Variants in MAGI2 observed in about 807,000 individuals in gnomAD.
MAGI2 encodes membrane associated guanylate kinase, WW and PDZ domain containing 2.
A neutral mutation model predicts 133.3 loss-of-function variants in MAGI2; 35 were observed. The ratio of observed to expected loss-of-function variants is 0.26; its 90% CI spans 0.20 to 0.35. The LOEUF is 0.35. Ranked by LOEUF, MAGI2 falls within the 10% of genes least tolerant of loss-of-function variation. The pLI, the probability that MAGI2 is intolerant of heterozygous loss-of-function variation, is 1.00. For missense variants in MAGI2, 1,636 were observed against 1,863.4 expected (o/e 0.88, Z 2.25); for synonymous variants, 729 against 710.6 (o/e 1.03, Z -0.41).
rs546346565 is a variant in MAGI2 at position 78,410,077 on chromosome 7, G to A, written c.1046-40864C>T. Among the ~76,000 whole-genome samples the A allele has an allele frequency of 4.0e-3, 607 of 151,944 alleles. 5 individuals carry two copies. The highest frequency in any genetic ancestry group is 0.013 in the African/African-American group (536 of 41,472). The stretch of plus-strand genomic sequence containing the variant: ...CTGATGGTCTCAGTCCACGACCCCC[G>A]GGAAAGCTAAAAGAATAGTAAGGGG... On this transcript the variant is annotated intron_variant, in intron 6 of 21. Coordinates refer to ENST00000354212, the MANE Select transcript of MAGI2 (RefSeq NM_012301.4).
At chr7:78,094,760 T>C (rs1817550311) in intron 20 of MAGI2, among the ~76,000 whole-genome samples, 1 of 152,230 alleles carries the variant, frequency 6.6e-6, no homozygotes, top group Admixed American at 6.5e-5. Flanking sequence ...TCCTGCCCTT[T>C]TCCCACTGGG....
chr7:79,249,590 T>C (rs180865481), intron 1 of MAGI2, among the ~76,000 whole-genome samples: 2 of 152,162 alleles, frequency 1.3e-5, no homozygotes, highest in Admixed American at 6.5e-5. Context: ...ATACCAATAT[T>C]GAACAATGAA....
At position 79,171,769 on chromosome 7, in the gene MAGI2, TA is replaced by T. The variant is rs1307816089; in HGVS notation, c.302-164564del. ...ATATATATATATATATATATATATA[TA>T]TTTTTTTTTTTTTTTTCTTTTAAAG... is the stretch of plus-strand genomic sequence containing the variant. On this transcript the variant is annotated intron_variant, in intron 1 of 21. Transcript: ENST00000354212. Among the ~76,000 whole-genome samples, 148 of 49,162 alleles carry T rather than the reference TA, an allele frequency of 3.0e-3. 1 individual carries two copies. Among genetic ancestry groups the T allele is most frequent in the African/African-American group, 0.014 (141 of 10,226 alleles). 32.3% of individuals were successfully genotyped at this position (49,162 alleles called of 152,430 possible). A position where few individuals can be genotyped will look rare whatever the true frequency, so the allele number is the denominator to read the frequency against.
intron 9 of MAGI2, among the ~76,000 whole-genome samples, chr7:78,322,741 C>A (rs148400221): frequency 1.3e-5 from 2 of 151,664 alleles, no homozygotes; most frequent in South Asian, 2.1e-4. Flanking sequence ...CACATGTACC[C>A]CGGAATTTAA....
intron 9 of MAGI2, among the ~76,000 whole-genome samples, chr7:78,256,894 C>T (rs1584592325): frequency 1.3e-5 from 2 of 152,280 alleles, no homozygotes; most frequent in South Asian, 2.1e-4. Flanking sequence ...ATTCTCTATG[C>T]TTCTTTTTCA....
intron 10 of MAGI2, among the ~76,000 whole-genome samples, chr7:78,233,409 CAGAG>C (rs910462381): frequency 3.3e-5 from 5 of 152,076 alleles, no homozygotes; most frequent in African/African-American, 1.2e-4. Context: ...AGAAAGTCAA[CAGAG>C]AGAGCATTTT....
chr7:79,273,608 CT>C (rs944528102), intron 1 of MAGI2, among the ~76,000 whole-genome samples: 2 of 148,004 alleles, frequency 1.4e-5, no homozygotes, highest in Admixed American at 1.4e-4. Context: ...AATTTTGTTT[CT>C]TTTTTTTTTC....
intron 2 of MAGI2, among the ~76,000 whole-genome samples, chr7:78,910,260 A>G (rs1487316014): frequency 9.8e-6 from 1 of 102,354 alleles, no homozygotes; most frequent in Non-Finnish European, 2.0e-5. Context: ...ACTTAAAGTA[A>G]TTCTTTTTTT....
At chr7:78,790,971 A>AGTCAACATTTGACTGTTTT (rs1827198768) in intron 2 of MAGI2, among the ~76,000 whole-genome samples, 1 of 152,234 alleles carries the variant, frequency 6.6e-6, no homozygotes, top group African/African-American at 2.4e-5. Context: ...TCTGACTCCA[A>AGTCAACATTTGACTGTTTT]ATAATACAGT....
rs73704823 is a variant in MAGI2 at position 79,420,018 on chromosome 7, G to A, written c.301+33002C>T. Among the ~76,000 whole-genome samples, 845 of 152,140 alleles carry A rather than the reference G, an allele frequency of 5.6e-3. 10 individuals are homozygous for A. The highest frequency in any genetic ancestry group is 0.019 in the African/African-American group (777 of 41,552). The stretch of plus-strand genomic sequence containing the variant: ...ATATTATTGGTTACATCAATGCACA[G>A]TGGGATGTCTCACTAGAACTAAATA... On this transcript the variant is annotated intron_variant, in intron 1 of 21. Transcript: ENST00000354212.
chr7:78,495,818 C>T (rs1794039435), intron 5 of MAGI2, among the ~76,000 whole-genome samples: 1 of 152,112 alleles, frequency 6.6e-6, no homozygotes, highest in Non-Finnish European at 1.5e-5. Flanking sequence ...GTATTGCACA[C>T]TGTTTTGTCT....
At chr7:79,135,020 A>G (rs753331357) in intron 1 of MAGI2, among the ~76,000 whole-genome samples, 6 of 152,196 alleles carry the variant, frequency 3.9e-5, no homozygotes, top group Non-Finnish European at 8.8e-5. Context: ...CAAAGAGTGG[A>G]ATAATTTTCC....
intron 2 of MAGI2, among the ~76,000 whole-genome samples, chr7:78,660,197 A>C (rs1812790094): frequency 6.6e-6 from 1 of 152,102 alleles, no homozygotes; most frequent in African/African-American, 2.4e-5. Flanking sequence ...GGTGCAGCAC[A>C]CCAACATAGC....
intron 1 of MAGI2, among the ~76,000 whole-genome samples, chr7:79,020,503 A>G (rs1379512387): frequency 6.6e-6 from 1 of 152,138 alleles, no homozygotes; most frequent in Non-Finnish European, 1.5e-5. Context: ...GCGGTGGCTG[A>G]TGCCTGTAAT....
intron 9 of MAGI2, among the ~76,000 whole-genome samples, chr7:78,324,228 C>A (rs1438440029): frequency 7.3e-6 from 1 of 136,736 alleles, no homozygotes; most frequent in Admixed American, 7.2e-5. Flanking sequence ...AGAAGCCTGA[C>A]TGAGGGGGAA....
intron 9 of MAGI2, among the ~76,000 whole-genome samples, chr7:78,342,183 G>A (rs1357768513): frequency 6.6e-6 from 1 of 151,962 alleles, no homozygotes; most frequent in Non-Finnish European, 1.5e-5. Flanking sequence ...AGACATTTGT[G>A]CAGTCAACAA....
chr7:78,777,920 C>A (rs1018674755), intron 2 of MAGI2, among the ~76,000 whole-genome samples: 2 of 152,148 alleles, frequency 1.3e-5, no homozygotes, highest in African/African-American at 4.8e-5. Flanking sequence ...GAAGGTAATT[C>A]ATCATATATT....
rs1338544670 is a variant in MAGI2 at position 79,171,741 on chromosome 7, AAAATATAT to A, written c.302-164543_302-164536del. The stretch of plus-strand genomic sequence containing the variant: ...TTAAAATTAAGCAAGACAATAGCCA[AAAATATAT>A]ATATATATATATATATATATATTTT... On this transcript the variant is annotated intron_variant, in intron 1 of 21. Coordinates refer to ENST00000354212, the MANE Select transcript of MAGI2 (RefSeq NM_012301.4). Among the ~76,000 whole-genome samples, 26 of 22,692 alleles carry A rather than the reference AAAATATAT, an allele frequency of 1.1e-3. 3 individuals are homozygous for A. Among genetic ancestry groups the A allele is most frequent in the Admixed American group, 3.6e-3 (8 of 2,248 alleles). The allele number at this position is 22,692 out of a possible 152,430, so 14.9% of individuals were successfully genotyped here. A position where few individuals can be genotyped will look rare whatever the true frequency, so the allele number is the denominator to read the frequency against.
chr7:79,191,954 A>G (rs1827711566), intron 1 of MAGI2, among the ~76,000 whole-genome samples: 1 of 151,884 alleles, frequency 6.6e-6, no homozygotes, highest in African/African-American at 2.4e-5. Flanking sequence ...GACTATTTGT[A>G]TCAAATAGAA....
Sources: gnomAD v4.1 joint callset for allele counts (sites outside exome capture counted in the v4.1 genomes callset) on GRCh38, gnomAD v4.1.1 for gene constraint, MANE v1.5 for transcripts, NCBI Gene and HGNC (gene_info 2026-07-23, HGNC 2026-07-21) for gene names.